GNG7: variants seen among roughly 807,000 people sequenced by gnomAD.
The protein encoded by GNG7 is guanine nucleotide-binding protein G(I)/G(S)/G(O) subunit gamma-7.
Under a neutral mutation model 4.0 loss-of-function variants are expected in GNG7, and 1 was observed. That is an observed-to-expected ratio of 0.25 (90% CI 0.09 to 1.18). The LOEUF (loss-of-function observed/expected upper bound fraction) is 1.18. Among genes scored for constraint, GNG7 ranks in the 50% most tolerant of loss-of-function variants. The pLI is 0.50. For synonymous variants in GNG7, 34 were observed against 36.9 expected (o/e 0.92, Z 0.29); for missense variants, 86 against 91.9 (o/e 0.94, Z 0.26).
intron 2 of GNG7, among the ~76,000 whole-genome samples, chr19:2,624,326 G>T (rs913368928): frequency 6.6e-6 from 1 of 151,762 alleles, no homozygotes; most frequent in Admixed American, 6.6e-5. Flanking sequence ...TCAGGAGATC[G>T]AGACCATCCT....
At position 2,545,717 on chromosome 19, in the gene GNG7, G is replaced by A. The variant is rs1042905389; in HGVS notation, c.-38+9432C>T. Reference sequence around the variant, plus strand: ...GCCTGTAATACCAGCACTTTGGGAGGCTGAGGTGGGTGGATCACCTGAGAT... The same window carrying A: ...GCCTGTAATACCAGCACTTTGGGAGACTGAGGTGGGTGGATCACCTGAGAT... On this transcript the variant is annotated intron_variant, in intron 3 of 4. Transcript: ENST00000382159. Among the ~76,000 whole-genome samples, 6 of 150,562 alleles carry A rather than the reference G, an allele frequency of 4.0e-5. No homozygotes were observed. In the South Asian group the frequency reaches 1.3e-3, roughly 32 times the overall value.
intron 1 of GNG7, among the ~76,000 whole-genome samples, chr19:2,680,144 CTT>C (rs775146336): frequency 2.5e-4 from 30 of 118,988 alleles, no homozygotes; most frequent in Middle Eastern, 4.4e-3. Context: ...GACCTTGTCT[CTT>C]TTTTTTTTTT....
intron 3 of GNG7, chr19:2,538,098 A>AACAAC (rs1386801061): frequency 2.2e-6 from 1 of 454,936 alleles, no homozygotes; most frequent in Non-Finnish European, 4.4e-6. Context: ...AACAAAACAA[A>AACAAC]ACAAAACAAC....
At chr19:2,568,540 C>G (rs1312615670) in intron 2 of GNG7, among the ~76,000 whole-genome samples, 5 of 150,068 alleles carry the variant, frequency 3.3e-5, no homozygotes, top group Non-Finnish European at 7.4e-5. Flanking sequence ...CATATACACA[C>G]ATACACATAT....
intron 1 of GNG7, among the ~76,000 whole-genome samples, chr19:2,657,355 AAAAAAAATATATAT>A (rs1181783926): frequency 4.2e-4 from 8 of 19,158 alleles, no homozygotes; most frequent in Admixed American, 1.0e-3. Flanking sequence ...AAAAAAAAAA[AAAAAAAATATATAT>A]ATATATATAT....
In GNG7 at chr19:2,634,011, G is replaced by A. The variant is rs990071696; in HGVS notation, c.-78+12213C>T. ...TCCACGGACCCCCAAGAGACTCCGCGTCCCATGATCCTCTGCCCTGCTGAG... is the reference window on the plus strand; with the variant it reads ...TCCACGGACCCCCAAGAGACTCCGCATCCCATGATCCTCTGCCCTGCTGAG... On this transcript the variant is annotated intron_variant, in intron 2 of 4. Transcript: ENST00000382159. The surrounding 1 kb of genome is among the most constrained non-coding windows in gnomAD (Gnocchi z 5.3). Among the ~76,000 whole-genome samples the A allele has an allele frequency of 2.0e-5, 3 of 152,116 alleles. No individual in the cohort carries two copies. The highest frequency in any genetic ancestry group is 2.9e-5 in the Non-Finnish European group (2 of 68,016).
intron 2 of GNG7, among the ~76,000 whole-genome samples, chr19:2,561,289 G>C (rs1342876678): frequency 2.0e-5 from 3 of 152,158 alleles, no homozygotes; most frequent in Non-Finnish European, 4.4e-5. Context: ...GACTGGGGGT[G>C]CTCCTGGAAT....
chr19:2,648,465 T>C (rs1179360120), intron 1 of GNG7, among the ~76,000 whole-genome samples: 6 of 152,094 alleles, frequency 3.9e-5, no homozygotes, highest in African/African-American at 1.4e-4. Context: ...TGGTGAGAGG[T>C]AGACAGGAAA....
At chr19:2,649,811 T>C (rs984480688) in intron 1 of GNG7, among the ~76,000 whole-genome samples, 17 of 152,184 alleles carry the variant, frequency 1.1e-4, no homozygotes, top group Non-Finnish European at 2.4e-4. Flanking sequence ...ATCACCTTTA[T>C]GTAGTTCCAG....
At chr19:2,621,677 A>C (rs974100825) in intron 2 of GNG7, among the ~76,000 whole-genome samples, 1 of 152,126 alleles carries the variant, frequency 6.6e-6, no homozygotes, top group Non-Finnish European at 1.5e-5. Context: ...AGCCTGGGTG[A>C]CAGAGCAAGA....
At chr19:2,581,764 G>A (rs1256838815) in intron 2 of GNG7, among the ~76,000 whole-genome samples, 1 of 152,316 alleles carries the variant, frequency 6.6e-6, no homozygotes, top group Middle Eastern at 3.4e-3. Flanking sequence ...TAAGGTGTAG[G>A]CTCTACTCAA....
intron 1 of GNG7, among the ~76,000 whole-genome samples, chr19:2,663,363 T>C (rs1487240948): frequency 6.7e-6 from 1 of 149,886 alleles, no homozygotes; most frequent in African/African-American, 2.5e-5. Flanking sequence ...CTCCTCTTTC[T>C]TCCCCAGTTC....
chr19:2,533,740 G>T (rs568278660), intron 3 of GNG7, among the ~76,000 whole-genome samples: 2 of 152,262 alleles, frequency 1.3e-5, no homozygotes, highest in Admixed American at 1.3e-4. Context: ...CTTTTAAAAG[G>T]TAAAACTAGA....
At chr19:2,698,355 G>A (rs1913321266) in intron 1 of GNG7, among the ~76,000 whole-genome samples, 1 of 152,144 alleles carries the variant, frequency 6.6e-6, no homozygotes. Flanking sequence ...CCTGAGGTCA[G>A]GAGTTTGAGA....
intron 1 of GNG7, among the ~76,000 whole-genome samples, chr19:2,699,182 T>C (rs926055364): frequency 1.3e-4 from 18 of 142,486 alleles, no homozygotes; most frequent in South Asian, 1.1e-3. Flanking sequence ...AGAGTCTCAC[T>C]CTGTGGCCCA....
In GNG7 at chr19:2,614,692, C is replaced by T. The variant is rs578104880; in HGVS notation, c.-78+31532G>A. Among the ~76,000 whole-genome samples, 144 of 152,312 alleles carry T rather than the reference C, an allele frequency of 9.5e-4. No individual in the cohort carries two copies. Among genetic ancestry groups the T allele is most frequent in the African/African-American group, 3.0e-3 (125 of 41,572 alleles). On this transcript the variant is annotated intron_variant, in intron 2 of 4. Coordinates refer to ENST00000382159, the MANE Select transcript of GNG7 (RefSeq NM_052847.3). The surrounding 1 kb of genome is among the most constrained non-coding windows in gnomAD (Gnocchi z 6.0). ...CGCTGTTTATCTATTTACCCACGGA[C>T]GGACACTTGGGTCATTTCCACCTTT...
At chr19:2,584,211 G>A (rs1177880211) in intron 2 of GNG7, among the ~76,000 whole-genome samples, 1 of 151,632 alleles carries the variant, frequency 6.6e-6, no homozygotes, top group Non-Finnish European at 1.5e-5. Context: ...GGGAGGCTGA[G>A]GTGGGAGGAT....
chr19:2,623,954 C>T (rs1981946515), intron 2 of GNG7, among the ~76,000 whole-genome samples: 1 of 152,084 alleles, frequency 6.6e-6, no homozygotes, highest in Non-Finnish European at 1.5e-5. Flanking sequence ...AGAGACAGTC[C>T]ATCTGTTGAT....
At chr19:2,606,516 G>A (rs912098367) in intron 2 of GNG7, among the ~76,000 whole-genome samples, 16 of 152,008 alleles carry the variant, frequency 1.1e-4, no homozygotes, top group Admixed American at 3.3e-4. Context: ...TTAGCTGGGT[G>A]TGGTGGTGCA....
Sources: allele counts gnomAD v4.1 joint callset (sites outside exome capture counted in the v4.1 genomes callset), GRCh38; gene constraint gnomAD v4.1.1; non-coding constraint Gnocchi (gnomAD v3.1); transcripts MANE v1.5; gene names NCBI Gene and HGNC (gene_info 2026-07-23, HGNC 2026-07-21).